Variants in BBS2 observed in about 807,000 individuals in gnomAD.
The protein encoded by BBS2 is Bardet-Biedl syndrome 2.
BBS2 carries 62 observed loss-of-function variants against 83.0 expected under a neutral mutation model. The ratio of observed to expected loss-of-function variants is 0.75; its 90% CI spans 0.61 to 0.92. The LOEUF is 0.92. Ranked by LOEUF, BBS2 falls within the 40% of genes least tolerant of loss-of-function variation. The probability of loss-of-function intolerance (pLI) is 0.00; values close to 1 mark genes in which losing one functional copy is unlikely to be tolerated. For missense variants in BBS2, 784 were observed against 901.0 expected, an observed-to-expected ratio of 0.87 and a Z score of 1.66; for synonymous variants, 303 against 326.1, an observed-to-expected ratio of 0.93 and a Z score of 0.76.
downstream of BBS2, among the ~76,000 whole-genome samples, chr16:56,480,366 C>CAAAAAAAAAAAAAAAAAAAAAAAAA (rs1157907841): frequency 1.1e-5 from 1 of 90,260 alleles, no homozygotes; most frequent in Admixed American, 1.2e-4. Context: ...AAAAAAAAAA[C>CAAAAAAAAAAAAAAAAAAAAAAAAA]AAAAAAAAAA....
intron 1 of BBS2, among the ~76,000 whole-genome samples, chr16:56,518,037 G>C (rs1191024242): frequency 6.6e-6 from 1 of 151,978 alleles, no homozygotes; most frequent in Non-Finnish European, 1.5e-5. Context: ...GGTTGGTCTT[G>C]AACTCCTGAC....
At chr16:56,475,222 G>A (rs1026866469) in intron 17 of BBS2, among the ~76,000 whole-genome samples, 4 of 152,128 alleles carry the variant, frequency 2.6e-5, no homozygotes, top group African/African-American at 7.2e-5. Context: ...TTATGTAATT[G>A]CCCTTCTGGG....
intron 2 of BBS2, among the ~76,000 whole-genome samples, chr16:56,513,251 T>C (rs568841598): frequency 6.6e-6 from 1 of 152,356 alleles, no homozygotes; most frequent in East Asian, 1.9e-4. Flanking sequence ...GTTATTACAC[T>C]ATGAACTGTA....
Position 56,484,480 on chromosome 16 carries a change from C to T in BBS2, c.*281G>A. 3 of 290,040 alleles carry T rather than the reference C, an allele frequency of 1.0e-5. No homozygotes were observed. Among genetic ancestry groups the T allele is most frequent in the South Asian group, 5.1e-5 (1 of 19,438 alleles). 18.0% of individuals were successfully genotyped at this position (290,040 alleles called of 1,614,324 possible). A position where few individuals can be genotyped will look rare whatever the true frequency, so the allele number is the denominator to read the frequency against. On this transcript the variant is annotated 3_prime_UTR_variant, in exon 17 of 17. Transcript: ENST00000245157. ...AAGAAAAAAATATGTATTTATATAC[C>T]ATAAATAAGCAAAATTGGACTCTGA...
At chr16:56,474,046 T>A (rs1329515002) in intron 17 of BBS2, among the ~76,000 whole-genome samples, 1 of 152,188 alleles carries the variant, frequency 6.6e-6, no homozygotes, top group African/African-American at 2.4e-5. Context: ...TGACCTCAGG[T>A]GATCTGCCTG....
At chr16:56,496,136 C>G (rs1461284115) in intron 15 of BBS2, among the ~76,000 whole-genome samples, 1 of 152,188 alleles carries the variant, frequency 6.6e-6, no homozygotes, top group Non-Finnish European at 1.5e-5. Flanking sequence ...TGAGTGAACT[C>G]TTGCCCCTAA....
Position 56,501,355 on chromosome 16 carries a change from T to C in BBS2, c.1223A>G (p.Asn408Ser), listed in dbSNP as rs761864599. ...ACCAGCTGTGAGTACTGTCTTACCA[T>C]TAGAAGTGGAAATGCGTAATTCTGT... is the stretch of plus-strand genomic sequence containing the variant. ...AHTELRISTSNDTIIRAVLIF... is the reference protein window; with the variant it reads ...AHTELRISTSSDTIIRAVLIF... Residue 408 changes from asparagine to serine, a missense_variant and splice_region_variant, in exon 10 of 17, where the codon AAT (asparagine) becomes AGT (serine). Asn to Ser is a conservative substitution (Grantham distance 46). Transcript: ENST00000245157. 2.5e-5 allele frequency: 41 copies of C among 1,613,830 alleles called. No homozygotes were observed. Among genetic ancestry groups the C allele is most frequent in the Non-Finnish European group, 3.3e-5 (39 of 1,179,980 alleles).
chr16:56,480,353 A>AC (rs1387438150), downstream of BBS2, among the ~76,000 whole-genome samples: 1,592 of 98,600 alleles, frequency 0.016, 61 homozygotes, highest in East Asian at 0.041. Context: ...ACACACACAC[A>AC]AAAAAAAAAA....
At chr16:56,498,328 G>C in intron 13 of BBS2, 109 bp downstream of exon 13, 1 of 1,419,818 alleles carries the variant, frequency 7.0e-7, no homozygotes. Flanking sequence ...ACTTTGGACT[G>C]AATGGTAAAC....
intron 17 of BBS2, chr16:56,476,215 G>A (rs1187772925): frequency 1.2e-6 from 2 of 1,603,326 alleles, no homozygotes; most frequent in African/African-American, 2.7e-5. Context: ...ACAGCACTGG[G>A]CAAAGCTGAA....
chr16:56,478,585 A>G (rs1211588537), intron 17 of BBS2: 1 of 152,234 alleles, frequency 6.6e-6, no homozygotes, highest in African/African-American at 2.4e-5. Flanking sequence ...GTGCTTGGGT[A>G]GGTGAAACTG....
At chr16:56,475,610 A>G (rs759574175) in intron 17 of BBS2, 1 of 1,570,560 alleles carries the variant, frequency 6.4e-7, no homozygotes, top group Non-Finnish European at 8.8e-7. Flanking sequence ...GTTATTGAGA[A>G]TGCTTTCATT....
In BBS2 at chr16:56,502,644, T is replaced by C. The variant is rs1163925891; in HGVS notation, c.940+29A>G. ...ACCCAATCAAATGGAAAACGTGACT[T>C]TTTAAGGATTTTTCTCATCCCAATT... On this transcript the variant is annotated intron_variant, in intron 8 of 16. Transcript: ENST00000245157. The C allele has an allele frequency of 3.7e-6, 6 of 1,614,178 alleles. No individual in the cohort carries two copies. In the South Asian group the frequency reaches 6.6e-5, roughly 18 times the overall value.
chr16:56,501,611 T>A, intron 9 of BBS2, 114 bp from the exon 10 acceptor site: 5 of 1,323,986 alleles, frequency 3.8e-6, no homozygotes, highest in Non-Finnish European at 5.3e-6. Flanking sequence ...ATATTATTAT[T>A]ATTATAGTAA....
rs886052149 is a variant in BBS2 at position 56,510,852 on chromosome 16, C to A, written c.534+7G>T. 2 of 1,613,834 alleles carry A rather than the reference C, an allele frequency of 1.2e-6. No homozygotes were observed. The highest frequency in any genetic ancestry group is 1.7e-6 in the Non-Finnish European group (2 of 1,179,738). On this transcript the variant is annotated splice_region_variant and intron_variant, in intron 4 of 16. Coordinates refer to ENST00000245157, the MANE Select transcript of BBS2 (RefSeq NM_031885.5). ...CACACAAGAGAGATATCTCCTCCCC[C>A]ACATACCTCTTTCTTTCCATCACCA...
At chr16:56,474,938 T>C in intron 17 of BBS2, 1 of 1,613,842 alleles carries the variant, frequency 6.2e-7, no homozygotes, top group Non-Finnish European at 8.5e-7. Flanking sequence ...AATTCTGTAC[T>C]GTGGCTGTGA....
Position 56,511,214 on chromosome 16 carries a change from C to T in BBS2, c.416G>A (p.Gly139Asp). The change falls in exon 3 of 17, where the codon GGT becomes GAT. Residue 139 changes from glycine to aspartate, a missense_variant. Physicochemically the swap from Gly to Asp is moderately conservative, Grantham distance 94. Coordinates refer to ENST00000245157, the MANE Select transcript of BBS2 (RefSeq NM_031885.5). ...GAAACCTTGCAGAGCACAATTGCCA[C>T]CAATAATCGCAAGAGGGGAAGAAAT... ...GDISSPLAII[G>D]GNCALQGFNH... The T allele has an allele frequency of 2.5e-6, 4 of 1,614,062 alleles. No individual in the cohort carries two copies. The highest frequency in any genetic ancestry group is 3.4e-6 in the Non-Finnish European group (4 of 1,180,006).
At position 56,519,998 on chromosome 16, in the gene BBS2, C is replaced by T. The variant is rs1302752486; in HGVS notation, c.-136G>A. ...GCCTCAGGCCGGACGCGAAACAGCCCGGGACGAACCCGTCCAGGTACCGCC... is the reference window on the plus strand; with the variant it reads ...GCCTCAGGCCGGACGCGAAACAGCCTGGGACGAACCCGTCCAGGTACCGCC... On this transcript the variant is annotated 5_prime_UTR_variant, in exon 1 of 17. Coordinates refer to ENST00000245157, the MANE Select transcript of BBS2 (RefSeq NM_031885.5). 1.3e-6 allele frequency: 1 copy of T among 748,328 alleles called. No homozygotes were observed. Among genetic ancestry groups the T allele is most frequent in the South Asian group, 1.5e-5 (1 of 67,262 alleles). The allele number at this position is 748,328 out of a possible 1,614,324, so 46.4% of individuals were successfully genotyped here.
At position 56,489,780 on chromosome 16, in the gene BBS2, A is replaced by C. The variant is rs187578343; in HGVS notation, c.1911-4042T>G. 1.8e-3 allele frequency among the ~76,000 whole-genome samples: 279 copies of C among 151,896 alleles called. 1 individual carries two copies. Among genetic ancestry groups the C allele is most frequent in the Admixed American group, 0.014 (217 of 15,228 alleles). Reference sequence around the variant, plus strand: ...GCGCCATTGCACTCCAGCTTGGGCAACAAGAGCGAAACTCCATCTCAAAGA... The same window carrying C: ...GCGCCATTGCACTCCAGCTTGGGCACCAAGAGCGAAACTCCATCTCAAAGA... On this transcript the variant is annotated intron_variant, in intron 15 of 16. Coordinates refer to ENST00000245157, the MANE Select transcript of BBS2 (RefSeq NM_031885.5).
Sources: allele counts gnomAD v4.1 joint callset (sites outside exome capture counted in the v4.1 genomes callset), GRCh38; gene constraint gnomAD v4.1.1; transcripts MANE v1.5; gene names NCBI Gene and HGNC (gene_info 2026-07-23, HGNC 2026-07-21).